The following TDO2 variants were observed in gnomAD, a reference collection of about 807,000 sequenced individuals.
TDO2 encodes tryptophan 2,3-dioxygenase.
In TDO2, 63 loss-of-function variants were observed where a neutral mutation model predicts 61.2. The observed-to-expected ratio is 1.03, with a 90% CI of 0.84 to 1.27. The LOEUF is 1.27. Among genes scored for constraint, TDO2 ranks in the 50% most tolerant of loss-of-function variants. The pLI, the probability that TDO2 is intolerant of heterozygous loss-of-function variation, is 0.00. For synonymous variants in TDO2, 183 were observed against 164.0 expected (o/e 1.12, Z -0.89); for missense variants, 494 against 469.5 (o/e 1.05, Z -0.48).
chr4:155,904,247 G>A (rs1427653056), intron 2 of TDO2, 124 bp downstream of exon 2: 2 of 673,042 alleles, frequency 3.0e-6, no homozygotes, highest in Non-Finnish European at 5.1e-6. Flanking sequence ...TGGACCTAAG[G>A]ATATTTTTAT....
At chr4:155,913,102 A>G (rs561624932) in intron 7 of TDO2, among the ~76,000 whole-genome samples, 1 of 152,228 alleles carries the variant, frequency 6.6e-6, no homozygotes, top group African/African-American at 2.4e-5. Context: ...CACCTGGACT[A>G]TAATAATATC....
Position 155,911,505 on chromosome 4 carries a change from G to C in TDO2, c.627G>C (p.Leu209=). 6.3e-7 allele frequency: 1 copy of C among 1,595,320 alleles called. No homozygotes were observed. The highest frequency in any genetic ancestry group is 8.6e-7 in the Non-Finnish European group (1 of 1,169,142). ...AATAATGTTTATTTAAGGCATGGCT[G>C]GAAAGAACTCCAGGTTTAGAGCCAC... is the stretch of plus-strand genomic sequence containing the variant. The part of the protein sequence containing the change: ...KTLLELVEAW[L]ERTPGLEPHG... Residue 209 remains leucine (L), a synonymous_variant, in exon 7 of 12, where the codon CTG becomes CTC. Transcript: ENST00000536354.
chr4:155,907,694 C>A, intron 3 of TDO2, 28 bp from the exon 4 acceptor site: 1 of 1,563,300 alleles, frequency 6.4e-7, no homozygotes, highest in Non-Finnish European at 8.8e-7. Flanking sequence ...CCATAACTTT[C>A]CAACTGACAA....
chr4:155,907,823 T>C lies in TDO2; in HGVS notation c.303+31T>C, dbSNP rs1012648428. The C allele has an allele frequency of 2.0e-6, 3 of 1,535,496 alleles. No individual in the cohort carries two copies. In the Admixed American group the frequency reaches 5.2e-5, roughly 26 times the overall value. ...TTCTTATGTCACAATATTGGTTTCA[T>C]GTATATTTTTGGAAGATATGGAAAG... On this transcript the variant is annotated intron_variant, in intron 4 of 11. Coordinates refer to ENST00000536354, the MANE Select transcript of TDO2 (RefSeq NM_005651.4).
chr4:155,915,872 T>C lies in TDO2; in HGVS notation c.856T>C (p.Tyr286His), dbSNP rs1742922969. 1 of 1,611,172 alleles carries C rather than the reference T, an allele frequency of 6.2e-7. No homozygotes were observed. Among genetic ancestry groups the C allele is most frequent in the East Asian group, 2.2e-5 (1 of 44,654 alleles). ...LLSKGERRLS[Y>H]RALQGALMIY... ...TTTTGCAGGTGAAAGACGGCTGTCATACAGAGCACTTCAGGGAGCATTGAT... is the reference window on the plus strand; with the variant it reads ...TTTTGCAGGTGAAAGACGGCTGTCACACAGAGCACTTCAGGGAGCATTGAT... The change falls in exon 9 of 12, where the codon TAC (tyrosine) becomes CAC (histidine). Residue 286 changes from tyrosine to histidine, a missense_variant. By Grantham distance (83) the Tyr-to-His change is moderately conservative (BLOSUM62 2). Coordinates refer to ENST00000536354, the MANE Select transcript of TDO2 (RefSeq NM_005651.4).
At chr4:155,915,766 C>A in intron 8 of TDO2, 89 bp from the exon 9 acceptor site, 1 of 1,020,024 alleles carries the variant, frequency 9.8e-7, no homozygotes, top group Non-Finnish European at 1.5e-6. Context: ...CACATGTAAT[C>A]CATTAAATTT....
chr4:155,916,462 A>G (rs551120135), intron 9 of TDO2, among the ~76,000 whole-genome samples: 82 of 107,466 alleles, frequency 7.6e-4, no homozygotes, highest in African/African-American at 2.8e-3. Context: ...AAAAAGCACT[A>G]TGTAACACTA....
In TDO2 at chr4:155,913,795, G is replaced by A. The variant is rs115534098; in HGVS notation, c.727-528G>A. On this transcript the variant is annotated intron_variant, in intron 7 of 11. Transcript: ENST00000536354. The stretch of plus-strand genomic sequence containing the variant: ...TTGGCTTATAAGCAGAATATGTGTT[G>A]TAGGCAGAAAAATAAGAATTTTCTT... Among the ~76,000 whole-genome samples, 499 of 152,166 alleles carry A rather than the reference G, an allele frequency of 3.3e-3. 4 individuals carry two copies. The highest frequency in any genetic ancestry group is 0.012 in the African/African-American group (479 of 41,524).
chr4:155,912,276 T>A (rs1256936689), intron 7 of TDO2, among the ~76,000 whole-genome samples: 2 of 152,190 alleles, frequency 1.3e-5, no homozygotes, highest in Admixed American at 1.3e-4. Context: ...AAAATAAGAA[T>A]ATCTAACTCA....
At chr4:155,905,261 C>A (rs80246692) in intron 3 of TDO2, 104 bp downstream of exon 3, 31,333 of 862,168 alleles carry the variant, frequency 0.036, 749 homozygotes, top group South Asian at 0.063. Context: ...ATCATGGAAT[C>A]ACCTCTGTTA....
chr4:155,904,129 T>C lies in TDO2; in HGVS notation c.141+6T>C. The stretch of plus-strand genomic sequence containing the variant: ...TCTATGGGAACTACCTGCATGTAAG[T>C]GGCAGGGTCCTTACAGGGTTTGGTG... On this transcript the variant is annotated splice_donor_region_variant and intron_variant, in intron 2 of 11. Coordinates refer to ENST00000536354, the MANE Select transcript of TDO2 (RefSeq NM_005651.4). 6.2e-7 allele frequency: 1 copy of C among 1,601,718 alleles called. No individual in the cohort carries two copies. The highest frequency in any genetic ancestry group is 1.1e-5 in the South Asian group (1 of 90,548).
At chr4:155,904,722 G>A (rs1357965060) in intron 2 of TDO2, among the ~76,000 whole-genome samples, 3 of 152,066 alleles carry the variant, frequency 2.0e-5, no homozygotes, top group Non-Finnish European at 4.4e-5. Context: ...TCTTAGAATA[G>A]GCTCTTTAGG....
Position 155,910,168 on chromosome 4 carries a change from T to C in TDO2, c.575T>C (p.Leu192Pro). ...DNFKGEENEL[L>P]LKSEQEKTLL... ...TTCAAAGGAGAAGAAAATGAACTGC[T>C]ACTTAAATCTGAGCAGGAAAAGACA... The change falls in exon 6 of 12, where the codon CTA becomes CCA. Residue 192 changes from leucine (L) to proline (P), a missense_variant. Transcript: ENST00000536354. 1 of 1,591,356 alleles carries C rather than the reference T, an allele frequency of 6.3e-7. No individual in the cohort carries two copies. The highest frequency in any genetic ancestry group is 1.1e-5 in the South Asian group (1 of 87,922).
chr4:155,910,864 G>A (rs1742816389), intron 6 of TDO2, among the ~76,000 whole-genome samples: 2 of 152,006 alleles, frequency 1.3e-5, no homozygotes, highest in Non-Finnish European at 2.9e-5. Context: ...TATATATAAT[G>A]CCAAATAATG....
intron 3 of TDO2, chr4:155,907,402 C>T (rs1742737569): frequency 4.6e-6 from 1 of 215,976 alleles, no homozygotes; most frequent in South Asian, 1.6e-4. Context: ...CTTCCAGCTT[C>T]CATAGAGGAA....
rs1742694762 is a variant in TDO2 at position 155,905,067 on chromosome 4, T to C, written c.142T>C (p.Leu48=). 6.3e-7 allele frequency: 1 copy of C among 1,578,300 alleles called. No individual in the cohort carries two copies. Residue 48 remains leucine, a splice_region_variant and synonymous_variant, in exon 3 of 12, where the codon TTG becomes CTG. Transcript: ENST00000536354. The part of the protein sequence containing the change: ...GGLIYGNYLH[L]EKVLNAQELQ... ...CAGGCTTTTTATTTTTCATTTCAAG[T>C]TGGAAAAAGTTTTGAATGCACAAGA...
intron 6 of TDO2, among the ~76,000 whole-genome samples, chr4:155,910,931 T>G (rs1237791604): frequency 6.6e-6 from 1 of 152,062 alleles, no homozygotes; most frequent in Non-Finnish European, 1.5e-5. Context: ...TTATAATAAG[T>G]ATAGGTTAAA....
In TDO2 at chr4:155,910,071, C is replaced by G. The variant is rs1742801782; in HGVS notation, c.478C>G (p.Leu160Val). The change falls in exon 6 of 12, where the codon CTA becomes GTA. Residue 160 changes from leucine (L) to valine (V), a missense_variant. Leu to Val is a conservative substitution (Grantham distance 32). Transcript: ENST00000536354. ...AGGCTTCCAGAGTTTGCAATTCCGACTATTAGAAAACAAGATAGGTGTTCT... is the reference window on the plus strand; with the variant it reads ...AGGCTTCCAGAGTTTGCAATTCCGAGTATTAGAAAACAAGATAGGTGTTCT... ...ASGFQSLQFR[L>V]LENKIGVLQN... 6.3e-7 allele frequency: 1 copy of G among 1,589,148 alleles called. No individual in the cohort carries two copies. The highest frequency in any genetic ancestry group is 1.8e-5 in the Admixed American group (1 of 54,206).
chr4:155,914,063 C>A (rs1742886860), intron 7 of TDO2, among the ~76,000 whole-genome samples: 1 of 151,884 alleles, frequency 6.6e-6, no homozygotes, highest in African/African-American at 2.4e-5. Context: ...CCATCTGAGT[C>A]CATTGCTCAT....
Sources: gnomAD v4.1 joint callset for allele counts (sites outside exome capture counted in the v4.1 genomes callset) on GRCh38, gnomAD v4.1.1 for gene constraint, MANE v1.5 for transcripts, NCBI Gene and HGNC (gene_info 2026-07-23, HGNC 2026-07-21) for gene names.